The following USP11 variants were observed in gnomAD, a reference collection of about 807,000 sequenced individuals.
USP11 encodes ubiquitin specific peptidase 11.
USP11 carries 5 observed loss-of-function variants against 72.8 expected under a neutral mutation model. The ratio of observed to expected loss-of-function variants is 0.07; its 90% confidence interval spans 0.04 to 0.14. The LOEUF is 0.14. Among genes scored for constraint, USP11 ranks in the 10% least tolerant of loss-of-function variants. The probability of loss-of-function intolerance (pLI) is 1.00; values close to 1 mark genes in which losing one functional copy is unlikely to be tolerated. For missense variants in USP11, 480 were observed against 794.7 expected (o/e 0.60, Z 4.76); for synonymous variants, 368 against 326.5 (o/e 1.13, Z -1.37).
In USP11 at chrX:47,245,418, G is replaced by A. The variant is rs1380914479; in HGVS notation, c.2206G>A (p.Val736Met). The change falls in exon 17 of 21, where the codon GTG becomes ATG. Residue 736 changes from valine (V) to methionine (M), a missense_variant. Val to Met is a conservative substitution (Grantham distance 21). Around this residue, in one of 5 missense-constraint regions of USP11, gnomAD observed 314 missense variants for 556.0 expected, o/e 0.56. Coordinates refer to ENST00000377107, the MANE Select transcript of USP11 (RefSeq NM_001371072.1). The stretch of plus-strand genomic sequence containing the variant: ...CGGGTACGTGATGAAGAAGGCTCCC[G>A]TGCGGCTGCAGGAGTGCATTGAGCT... ...CVGYVMKKAP[V>M]RLQECIELFT... 1.8e-5 allele frequency: 22 copies of A among 1,211,914 alleles called. No homozygotes were observed. Among genetic ancestry groups the A allele is most frequent in the Non-Finnish European group, 2.3e-5 (21 of 895,458 alleles).
At chrX:47,233,833 G>A in intron 1 of USP11, 1 of 115,088 alleles carries the variant, frequency 8.7e-6, no homozygotes, top group Non-Finnish European at 1.8e-5. Context: ...AGAAAATGGC[G>A]CCTGCGAATA....
intron 7 of USP11, 128 bp from the exon 8 acceptor site, chrX:47,241,149 C>T: frequency 1.4e-6 from 1 of 712,029 alleles, no homozygotes; most frequent in Non-Finnish European, 2.0e-6. Flanking sequence ...TCTCCTGCTC[C>T]TCTCTCTCCT....
chrX:47,234,421 G>T (rs911160634), intron 1 of USP11, among the ~76,000 whole-genome samples: 1 of 112,080 alleles, frequency 8.9e-6, no homozygotes, highest in Non-Finnish European at 1.9e-5. Flanking sequence ...GGAAACGTCG[G>T]TGAAATTTTA....
chrX:47,243,283 A>G lies in USP11; in HGVS notation c.1584-113A>G, dbSNP rs968886003. ...GTCTCAAAAATAAATAAATAAATAAATAAAAATAAAAATGCCTTCAGGCTG... is the reference window on the plus strand; with the variant it reads ...GTCTCAAAAATAAATAAATAAATAAGTAAAAATAAAAATGCCTTCAGGCTG... On this transcript the variant is annotated intron_variant, in intron 12 of 20. Coordinates refer to ENST00000377107, the MANE Select transcript of USP11 (RefSeq NM_001371072.1). 1.0e-5 allele frequency: 7 copies of G among 696,815 alleles called. No individual in the cohort carries two copies. The African/African-American group carries it at 1.3e-4, about 13-fold the overall frequency. 57.4% of individuals were successfully genotyped at this position (696,815 alleles called of 1,213,427 possible). A position where few individuals can be genotyped will look rare whatever the true frequency, so the allele number is the denominator to read the frequency against.
intron 1 of USP11, among the ~76,000 whole-genome samples, chrX:47,234,824 A>G (rs1478619884): frequency 8.9e-6 from 1 of 112,134 alleles, no homozygotes; most frequent in East Asian, 2.8e-4. Flanking sequence ...ATGTATACAT[A>G]AGTCAAAACT....
intron 3 of USP11, 76 bp downstream of exon 3, chrX:47,239,557 C>A: frequency 8.6e-7 from 1 of 1,169,310 alleles, no homozygotes; most frequent in Non-Finnish European, 1.2e-6. Context: ...GGGTACAGAT[C>A]CATGTATGCT....
chrX:47,243,590 T>G lies in USP11; in HGVS notation c.1778T>G (p.Met593Arg). Residue 593 changes from methionine (M) to arginine (R), a missense_variant, in exon 13 of 21, where the codon ATG (methionine) becomes AGG (arginine). Physicochemically the swap from Met to Arg is moderately conservative, Grantham distance 91 (BLOSUM62 -1). Coordinates refer to ENST00000377107, the MANE Select transcript of USP11 (RefSeq NM_001371072.1). ...FTWEGLYNVL[M>R]YRLSRYVTKP... Reference sequence around the variant, plus strand: ...TGGGAGGGCCTGTATAACGTCCTGATGTACCGGCTCTCGTAAGTGTCCTCT... The same window carrying G: ...TGGGAGGGCCTGTATAACGTCCTGAGGTACCGGCTCTCGTAAGTGTCCTCT... 1 of 1,211,685 alleles carries G rather than the reference T, an allele frequency of 8.3e-7. No homozygotes were observed. The highest frequency in any genetic ancestry group is 1.1e-6 in the Non-Finnish European group (1 of 895,376).
At chrX:47,239,990 T>C in intron 4 of USP11, 83 bp downstream of exon 4, 2 of 973,425 alleles carry the variant, frequency 2.1e-6, no homozygotes, top group Non-Finnish European at 2.9e-6. Flanking sequence ...AGGGTTAAGC[T>C]GAAGCTGACT....
chrX:47,245,450 C>T lies in USP11; in HGVS notation c.2238C>T (p.Thr746=), dbSNP rs1374124990. The change falls in exon 17 of 21, where the codon ACC becomes ACT. Residue 746 remains threonine (T), a synonymous_variant. Coordinates refer to ENST00000377107, the MANE Select transcript of USP11 (RefSeq NM_001371072.1). ...TGCAGGAGTGCATTGAGCTCTTCAC[C>T]ACTGTGGAGACCCTGGAGAAGGAAA... The part of the protein sequence containing the change: ...VRLQECIELF[T]TVETLEKENP... 8.3e-7 allele frequency: 1 copy of T among 1,208,154 alleles called. No individual in the cohort carries two copies. Among genetic ancestry groups the T allele is most frequent in the African/African-American group, 1.8e-5 (1 of 57,115 alleles).
At chrX:47,243,626 T>G in intron 13 of USP11, 24 bp downstream of exon 13, 1 of 1,195,129 alleles carries the variant, frequency 8.4e-7, no homozygotes, top group Non-Finnish European at 1.1e-6. Flanking sequence ...TCCCCGGGGG[T>G]GGGGGGCGGA....
intron 12 of USP11, among the ~76,000 whole-genome samples, 181 bp downstream of exon 12, chrX:47,242,901 G>T (rs1021807656): frequency 1.8e-5 from 2 of 112,014 alleles, no homozygotes; most frequent in African/African-American, 6.5e-5. Flanking sequence ...ACTTGAACCC[G>T]AGAGGTTCAA....
In USP11 at chrX:47,243,502, T is replaced by C; in HGVS notation, c.1690T>C (p.Tyr564His). The change falls in exon 13 of 21, where the codon TAC becomes CAC. Residue 564 changes from tyrosine to histidine, a missense_variant. Tyr to His is a moderately conservative substitution (Grantham distance 83). Around this residue, in one of 5 missense-constraint regions of USP11, gnomAD observed 314 missense variants for 556.0 expected, o/e 0.56. Coordinates refer to ENST00000377107, the MANE Select transcript of USP11 (RefSeq NM_001371072.1). ...CCCTGCCCGTGACTACAACAACTCC[T>C]ACTACGGCCTGATGCTTTTTGGACA... is the stretch of plus-strand genomic sequence containing the variant. ...RTPARDYNNS[Y>H]YGLMLFGHPL... The C allele has an allele frequency of 8.3e-7, 1 of 1,211,655 alleles. No individual in the cohort carries two copies. Among genetic ancestry groups the C allele is most frequent in the Non-Finnish European group, 1.1e-6 (1 of 895,450 alleles).
In USP11 at chrX:47,248,086, C is replaced by A; in HGVS notation, c.*156C>A. On this transcript the variant is annotated 3_prime_UTR_variant, in exon 21 of 21. Transcript: ENST00000377107. ...TGTTCTCCTGTGCCGCTGCATCGCT[C>A]TCTCCCGGGAAAGAACAGGTCGTGT... The A allele has an allele frequency of 1.2e-6, 1 of 844,733 alleles. No homozygotes were observed. The highest frequency in any genetic ancestry group is 1.6e-6 in the Non-Finnish European group (1 of 621,374). The allele number at this position is 844,733 out of a possible 1,213,427, so 69.6% of individuals were successfully genotyped here.
Position 47,247,788 on chromosome X carries a change from C to T in USP11, c.2626-5C>T, listed in dbSNP as rs772367857. 8.3e-7 allele frequency: 1 copy of T among 1,208,864 alleles called. No individual in the cohort carries two copies. Among genetic ancestry groups the T allele is most frequent in the Non-Finnish European group, 1.1e-6 (1 of 894,039 alleles). Reference sequence around the variant, plus strand: ...TCCACACTGACTCCTGTCCTCTCCCCACAGTCCAAGGCAGCCTATGTCCTC... The same window carrying T: ...TCCACACTGACTCCTGTCCTCTCCCTACAGTCCAAGGCAGCCTATGTCCTC... On this transcript the variant is annotated splice_region_variant and splice_polypyrimidine_tract_variant and intron_variant, in intron 20 of 20. Transcript: ENST00000377107.
chrX:47,233,275 C>T, intron 1 of USP11, 56 bp downstream of exon 1: 2 of 1,097,653 alleles, frequency 1.8e-6, no homozygotes, highest in South Asian at 2.3e-5. Context: ...GCATTGACAA[C>T]CGCTGGGGAT....
At chrX:47,233,375 G>A (rs2055355064) in intron 1 of USP11, 156 bp downstream of exon 1, 1 of 1,079,938 alleles carries the variant, frequency 9.3e-7, no homozygotes, top group African/African-American at 1.9e-5. Context: ...GCGGGGAAGT[G>A]CCTTTGAATG....
At position 47,247,873 on chromosome X, in the gene USP11, C is replaced by G. The variant is rs1329099429; in HGVS notation, c.2706C>G (p.Ala902=). 8.3e-7 allele frequency: 1 copy of G among 1,207,341 alleles called. No individual in the cohort carries two copies. The highest frequency in any genetic ancestry group is 1.1e-6 in the Non-Finnish European group (1 of 894,243). ...TGTCCCCGGCCGGCTCATCTGGCGC[C>G]CCAGCCTCCCCTGCCTGCAGCTCCC... ...RLLSPAGSSG[A]PASPACSSPP... Residue 902 remains alanine (A), a synonymous_variant, in exon 21 of 21, where the codon GCC becomes GCG. Coordinates refer to ENST00000377107, the MANE Select transcript of USP11 (RefSeq NM_001371072.1).
rs1413882961 is a variant in USP11 at position 47,233,050 on chromosome X, A to G, written c.7A>G (p.Thr3Ala). 5 of 1,210,609 alleles carry G rather than the reference A, an allele frequency of 4.1e-6. No individual in the cohort carries two copies. Among genetic ancestry groups the G allele is most frequent in the Admixed American group, 4.4e-5 (2 of 45,938 alleles). The change falls in exon 1 of 21, where the codon ACG becomes GCG. Residue 3 changes from threonine to alanine, a missense_variant. This residue lies in a region of USP11 where 71 missense variants were observed against 71.4 expected (regional missense o/e 0.99). Coordinates refer to ENST00000377107, the MANE Select transcript of USP11 (RefSeq NM_001371072.1). MA[T>A]VAANPAAAAA... Reference sequence around the variant, plus strand: ...TAGAAGAGAACGGACGGCGATGGCGACGGTCGCAGCAAATCCAGCTGCTGC... The same window carrying G: ...TAGAAGAGAACGGACGGCGATGGCGGCGGTCGCAGCAAATCCAGCTGCTGC...
rs758010299 is a variant in USP11 at position 47,244,494 on chromosome X, G to A, written c.1791-4G>A. ...TCTTGGGAGTCTCCTCTGCTCTGTT[G>A]CAGACGCTACGTGACCAAACCCAAC... On this transcript the variant is annotated splice_polypyrimidine_tract_variant and splice_region_variant and intron_variant, in intron 13 of 20. Coordinates refer to ENST00000377107, the MANE Select transcript of USP11 (RefSeq NM_001371072.1). 1 of 1,211,098 alleles carries A rather than the reference G, an allele frequency of 8.3e-7. No individual in the cohort carries two copies. Among genetic ancestry groups the A allele is most frequent in the Admixed American group, 2.2e-5 (1 of 45,941 alleles).
Sources: allele counts gnomAD v4.1 joint callset (sites outside exome capture counted in the v4.1 genomes callset), GRCh38; gene constraint gnomAD v4.1.1; regional missense constraint gnomAD v4.1.1; transcripts MANE v1.5; gene names NCBI Gene and HGNC (gene_info 2026-07-23, HGNC 2026-07-21).